OSBPL1A: variants seen among roughly 807,000 people sequenced by gnomAD.
OSBPL1A encodes oxysterol binding protein like 1A.
A neutral mutation model predicts 137.1 loss-of-function variants in OSBPL1A; 80 were observed. The ratio of observed to expected loss-of-function variants is 0.58; its 90% confidence interval spans 0.49 to 0.70. The LOEUF is 0.70. Ranked by LOEUF, OSBPL1A falls within the 30% of genes least tolerant of loss-of-function variation. The pLI, the probability that OSBPL1A is intolerant of heterozygous loss-of-function variation, is 0.00. For synonymous variants in OSBPL1A, 365 were observed against 389.7 expected (o/e 0.94, Z 0.75); for missense variants, 970 against 1,129.4 (o/e 0.86, Z 2.02).
intron 18 of OSBPL1A, among the ~76,000 whole-genome samples, chr18:24,194,388 GATTTTA>G (rs1188944562): frequency 2.0e-5 from 3 of 152,152 alleles, no homozygotes; most frequent in East Asian, 3.8e-4. Flanking sequence ...TTGTGAAACT[GATTTTA>G]ATTTTAAGGA....
intron 1 of OSBPL1A, among the ~76,000 whole-genome samples, chr18:24,384,581 C>G (rs927362619): frequency 2.9e-4 from 42 of 143,176 alleles, no homozygotes; most frequent in African/African-American, 1.1e-3. Flanking sequence ...AACAAACAAA[C>G]AAAAGGGCCG....
intron 4 of OSBPL1A, among the ~76,000 whole-genome samples, chr18:24,360,796 G>A (rs1466411058): frequency 2.0e-5 from 3 of 152,178 alleles, no homozygotes; most frequent in Non-Finnish European, 4.4e-5. Context: ...CTGTCCCAGT[G>A]TGAGTGTGGG....
At chr18:24,331,610 ATGGTCTCG>A (rs2091079653) in intron 7 of OSBPL1A, among the ~76,000 whole-genome samples, 1 of 150,196 alleles carries the variant, frequency 6.7e-6, no homozygotes, top group African/African-American at 2.5e-5. Context: ...GTTAGCCAGG[ATGGTCTCG>A]ATCTCCTGAC....
intron 15 of OSBPL1A, among the ~76,000 whole-genome samples, chr18:24,262,373 C>T (rs1006742934): frequency 2.0e-5 from 3 of 146,750 alleles, no homozygotes; most frequent in Non-Finnish European, 3.0e-5. Context: ...GTATATTTTA[C>T]ATATCCTCAA....
chr18:24,270,247 G>A (rs960149651), intron 15 of OSBPL1A, among the ~76,000 whole-genome samples: 8 of 152,174 alleles, frequency 5.3e-5, no homozygotes, highest in Non-Finnish European at 1.2e-4. Flanking sequence ...TGTACATGGA[G>A]CTTAGATTAT....
At chr18:24,323,539 C>CTTTTTTTTTTTTTTTTT (rs763234169) in intron 7 of OSBPL1A, among the ~76,000 whole-genome samples, 6 of 35,150 alleles carry the variant, frequency 1.7e-4, no homozygotes, top group African/African-American at 1.5e-3. Context: ...GAGGCTTTTT[C>CTTTTTTTTTTTTTTTTT]TTTTTTTTTT....
intron 7 of OSBPL1A, among the ~76,000 whole-genome samples, chr18:24,326,207 T>C (rs933638813): frequency 1.3e-5 from 2 of 152,242 alleles, no homozygotes; most frequent in Non-Finnish European, 2.9e-5. Context: ...CCATGATGAC[T>C]GTGCTTCTGG....
intron 7 of OSBPL1A, chr18:24,321,658 T>A (rs1383094631): frequency 1.9e-6 from 1 of 515,884 alleles, no homozygotes; most frequent in South Asian, 1.5e-5. Flanking sequence ...GAGCACTGGG[T>A]ATGTATGAAT....
Position 24,162,476 on chromosome 18 carries a change from A to G in OSBPL1A, c.*703T>C, listed in dbSNP as rs956559095. 1 of 152,258 alleles carries G rather than the reference A, an allele frequency of 6.6e-6. No homozygotes were observed. The highest frequency in any genetic ancestry group is 2.4e-5 in the African/African-American group (1 of 41,470). The allele number at this position is 152,258 out of a possible 1,614,324, so 9.4% of individuals were successfully genotyped here. On this transcript the variant is annotated 3_prime_UTR_variant, in exon 28 of 28. Coordinates refer to ENST00000319481, the MANE Select transcript of OSBPL1A (RefSeq NM_080597.4). ...ATTGCTAGATTTTATACATATTTTC[A>G]GTTCAAATGTAAACTTAACCATTTT... is the stretch of plus-strand genomic sequence containing the variant.
chr18:24,282,076 A>C (rs2089972594), intron 14 of OSBPL1A, among the ~76,000 whole-genome samples: 8 of 144,444 alleles, frequency 5.5e-5, no homozygotes, highest in South Asian at 2.4e-4. Flanking sequence ...CCCACCCCCC[A>C]CTCCCAACCC....
Position 24,318,811 on chromosome 18 carries a change from T to C in OSBPL1A, c.626-2A>G, listed in dbSNP as rs758785523. On this transcript the variant is annotated splice_acceptor_variant, in intron 7 of 27. Coordinates refer to ENST00000319481, the MANE Select transcript of OSBPL1A (RefSeq NM_080597.4). LOFTEE classifies it high-confidence loss of function. ...GGGCAAGGTCAAGAGGTTTCTGATC[T>C]GTGCAAAATACAAAGAAAAAAAGCC... 11 of 1,611,650 alleles carry C rather than the reference T, an allele frequency of 6.8e-6. No homozygotes were observed. In the African/African-American group the frequency reaches 1.2e-4, roughly 18 times the overall value.
At chr18:24,395,680 G>A (rs912472677) in intron 1 of OSBPL1A, among the ~76,000 whole-genome samples, 1 of 151,674 alleles carries the variant, frequency 6.6e-6, no homozygotes, top group East Asian at 2.0e-4. Flanking sequence ...CAGTGCAACA[G>A]CACGATCTCC....
chr18:24,170,531 C>G, intron 23 of OSBPL1A, 78 bp from the exon 24 acceptor site: 3 of 1,559,616 alleles, frequency 1.9e-6, no homozygotes, highest in Non-Finnish European at 1.8e-6. Context: ...TATTCCCAGG[C>G]GGTCTCCCAT....
In OSBPL1A at chr18:24,343,446, G is replaced by A. The variant is rs547178745; in HGVS notation, c.283-1788C>T. Among the ~76,000 whole-genome samples, 6 of 152,010 alleles carry A rather than the reference G, an allele frequency of 3.9e-5. No homozygotes were observed. In the East Asian group the frequency reaches 7.7e-4, roughly 20 times the overall value. On this transcript the variant is annotated intron_variant, in intron 4 of 27. Transcript: ENST00000319481. ...AATGCAATCCCTATCAAATACTAAC[G>A]ACATTTTTACAGAAACAGAAAATCC...
intron 14 of OSBPL1A, among the ~76,000 whole-genome samples, chr18:24,286,680 C>T (rs984982721): frequency 2.6e-5 from 4 of 152,126 alleles, no homozygotes; most frequent in African/African-American, 9.7e-5. Context: ...GAACAAGGAA[C>T]ATTTTTGTAT....
intron 17 of OSBPL1A, among the ~76,000 whole-genome samples, chr18:24,205,943 T>C (rs2087360771): frequency 6.6e-6 from 1 of 151,990 alleles, no homozygotes; most frequent in Non-Finnish European, 1.5e-5. Context: ...CAGGCTGGAG[T>C]GTAGTGGTGT....
At chr18:24,390,961 G>A (rs775737261) in intron 1 of OSBPL1A, among the ~76,000 whole-genome samples, 5 of 151,544 alleles carry the variant, frequency 3.3e-5, no homozygotes, top group Non-Finnish European at 7.4e-5. Flanking sequence ...TTAGCCTGGT[G>A]TGGCGGTGCG....
chr18:24,358,372 C>A, intron 4 of OSBPL1A: 1 of 669,262 alleles, frequency 1.5e-6, no homozygotes, highest in South Asian at 1.6e-5. Flanking sequence ...AAGGCTGAGG[C>A]ATCGCTTGAG....
chr18:24,178,746 AT>A (rs2086521026), intron 20 of OSBPL1A, among the ~76,000 whole-genome samples: 1 of 152,254 alleles, frequency 6.6e-6, no homozygotes, highest in Non-Finnish European at 1.5e-5. Flanking sequence ...GCATGAAAAA[AT>A]ATTAGTCATG....
Sources: gnomAD v4.1 joint callset for allele counts (sites outside exome capture counted in the v4.1 genomes callset) on GRCh38, gnomAD v4.1.1 for gene constraint, MANE v1.5 for transcripts, NCBI Gene and HGNC (gene_info 2026-07-23, HGNC 2026-07-21) for gene names.